LRBA: variants seen among roughly 807,000 people sequenced by gnomAD.
The protein encoded by LRBA is lipopolysaccharide-responsive and beige-like anchor protein.
In LRBA, 176 loss-of-function variants were observed where a neutral mutation model predicts 330.0. That is an observed-to-expected ratio of 0.53 (90% CI 0.47 to 0.60). The LOEUF is 0.60. Among genes scored for constraint, LRBA ranks in the 20% least tolerant of loss-of-function variants. The probability of loss-of-function intolerance (pLI) is 0.00; values close to 1 mark genes in which losing one functional copy is unlikely to be tolerated. For synonymous variants in LRBA, 1,230 were observed against 1,193.0 expected (o/e 1.03, Z -0.64); for missense variants, 3,259 against 3,444.8 (o/e 0.95, Z 1.35).
chr4:150,862,904 A>C (rs1346279613), intron 22 of LRBA, among the ~76,000 whole-genome samples: 1 of 152,012 alleles, frequency 6.6e-6, no homozygotes, highest in East Asian at 1.9e-4. Flanking sequence ...GCTTGAACCC[A>C]GGAGGTGGAG....
At chr4:150,414,220 T>C (rs62347044) in intron 47 of LRBA, among the ~76,000 whole-genome samples, 34,486 of 152,060 alleles carry the variant, frequency 0.23, 4,541 homozygotes, top group Non-Finnish European at 0.31. Flanking sequence ...TGATAAAGGA[T>C]TGGAAAATCT....
At chr4:150,698,509 T>C (rs2126985393) in intron 36 of LRBA, among the ~76,000 whole-genome samples, 1 of 152,336 alleles carries the variant, frequency 6.6e-6, no homozygotes, top group East Asian at 1.9e-4. Context: ...TGATCAACAA[T>C]GCCTGCAACA....
At chr4:150,871,516 T>C in intron 18 of LRBA, 63 bp from the exon 19 acceptor site, 1 of 912,480 alleles carries the variant, frequency 1.1e-6, no homozygotes, top group South Asian at 1.4e-5. Context: ...TTAATATGCA[T>C]GCTGGATGAA....
intron 34 of LRBA, among the ~76,000 whole-genome samples, chr4:150,769,008 G>C (rs1253563765): frequency 7.2e-6 from 1 of 138,222 alleles, no homozygotes; most frequent in Non-Finnish European, 1.5e-5. Context: ...CGCAATCTCG[G>C]CTCACTGCAA....
chr4:150,980,778 CA>C (rs1380057849), intron 2 of LRBA, among the ~76,000 whole-genome samples: 2 of 152,038 alleles, frequency 1.3e-5, no homozygotes, highest in Non-Finnish European at 2.9e-5. Flanking sequence ...GTGATTAATT[CA>C]GTAAAGTTGT....
intron 34 of LRBA, among the ~76,000 whole-genome samples, chr4:150,763,888 C>A (rs532651267): frequency 2.8e-4 from 43 of 152,040 alleles, no homozygotes; most frequent in African/African-American, 9.9e-4. Flanking sequence ...ACCATGACCT[C>A]TGTGGATAGG....
At chr4:150,671,162 CCA>C (rs1237441919) in intron 37 of LRBA, among the ~76,000 whole-genome samples, 2 of 152,036 alleles carry the variant, frequency 1.3e-5, no homozygotes, top group African/African-American at 2.4e-5. Context: ...TTCCCATTCC[CCA>C]GTCCTTTCCA....
At chr4:150,559,705 A>C (rs1357798278) in intron 40 of LRBA, among the ~76,000 whole-genome samples, 1 of 90,516 alleles carries the variant, frequency 1.1e-5, no homozygotes, top group Admixed American at 1.9e-4. Flanking sequence ...ATTATATATT[A>C]TATAATATTA....
chr4:150,839,282 T>G (rs1419743186), intron 28 of LRBA, among the ~76,000 whole-genome samples: 1 of 152,170 alleles, frequency 6.6e-6, no homozygotes, highest in Non-Finnish European at 1.5e-5. Context: ...ACTTTTACAG[T>G]GTTGGTGGGA....
intron 47 of LRBA, among the ~76,000 whole-genome samples, chr4:150,385,118 C>T (rs1259498814): frequency 1.3e-5 from 2 of 151,858 alleles, no homozygotes; most frequent in Admixed American, 6.6e-5. Flanking sequence ...ACTGTGTATT[C>T]GAATCATTGT....
chr4:150,675,192 C>CAAAACAAA (rs573742828), intron 37 of LRBA, among the ~76,000 whole-genome samples: 129 of 151,794 alleles, frequency 8.5e-4, no homozygotes, highest in African/African-American at 3.0e-3. Flanking sequence ...GACCCTAGCT[C>CAAAACAAA]AAAACAAAAA....
chr4:150,574,065 T>C (rs1770222709), intron 40 of LRBA, among the ~76,000 whole-genome samples: 1 of 152,062 alleles, frequency 6.6e-6, no homozygotes, highest in African/African-American at 2.4e-5. Context: ...GTCCATTAAA[T>C]ATTTAAGGGA....
chr4:151,008,263 TA>T (rs1162711916), intron 2 of LRBA, among the ~76,000 whole-genome samples: 1 of 151,956 alleles, frequency 6.6e-6, no homozygotes, highest in Non-Finnish European at 1.5e-5. Flanking sequence ...GTATTTTTAG[TA>T]GAGACCAGGT....
At chr4:150,359,556 T>C (rs907102727) in intron 47 of LRBA, among the ~76,000 whole-genome samples, 3 of 152,212 alleles carry the variant, frequency 2.0e-5, no homozygotes, top group African/African-American at 7.2e-5. Context: ...ATTGTTTACA[T>C]GGTAGAAGAT....
chr4:150,794,691 A>C (rs1372155107), intron 34 of LRBA, among the ~76,000 whole-genome samples: 1 of 152,084 alleles, frequency 6.6e-6, no homozygotes, highest in Non-Finnish European at 1.5e-5. Flanking sequence ...TTGTTGAAAA[A>C]TTTTTTAAAG....
intron 34 of LRBA, among the ~76,000 whole-genome samples, chr4:150,772,826 G>A (rs1736767867): frequency 6.6e-6 from 1 of 152,034 alleles, no homozygotes; most frequent in Non-Finnish European, 1.5e-5. Context: ...CTCTTGTTCT[G>A]AGTTCTACTC....
Position 150,896,426 on chromosome 4 carries a change from C to T in LRBA, c.2035G>A (p.Ala679Thr). The T allele has an allele frequency of 6.5e-7, 1 of 1,544,894 alleles. No individual in the cohort carries two copies. Among genetic ancestry groups the T allele is most frequent in the Non-Finnish European group, 8.9e-7 (1 of 1,127,348 alleles). ...DSGVKEDELQ[A>T]ILNYLLTMHE... is the part of the protein sequence containing the mutation. Reference sequence around the variant, plus strand: ...ATAGTCAGTAGGTAATTAAGAATGGCCTGTAATTCATCTTCCTTTACTCCA... The same window carrying T: ...ATAGTCAGTAGGTAATTAAGAATGGTCTGTAATTCATCTTCCTTTACTCCA... The change falls in exon 16 of 57, where the codon GCC becomes ACC. Residue 679 changes from alanine (A) to threonine (T), a missense_variant. Coordinates refer to ENST00000651943, the MANE Select transcript of LRBA (RefSeq NM_001364905.1).
chr4:150,794,780 C>T (rs1352518745), intron 34 of LRBA, among the ~76,000 whole-genome samples: 1 of 152,140 alleles, frequency 6.6e-6, no homozygotes, highest in African/African-American at 2.4e-5. Flanking sequence ...GTCCAGACTA[C>T]ATGGTGCTTC....
At chr4:150,670,098 T>C (rs1405868036) in intron 37 of LRBA, among the ~76,000 whole-genome samples, 3 of 152,194 alleles carry the variant, frequency 2.0e-5, no homozygotes, top group African/African-American at 7.2e-5. Flanking sequence ...TGTTGGGAGA[T>C]ACTTTGAAAC....
Sources: gnomAD v4.1 joint callset for allele counts (sites outside exome capture counted in the v4.1 genomes callset) on GRCh38, gnomAD v4.1.1 for gene constraint, MANE v1.5 for transcripts, NCBI Gene and HGNC (gene_info 2026-07-23, HGNC 2026-07-21) for gene names.